The following PEAK1 variants were observed in gnomAD, a reference collection of about 807,000 sequenced individuals.
PEAK1 encodes the protein pseudopodium enriched atypical kinase 1.
A neutral mutation model predicts 124.7 loss-of-function variants in PEAK1; 54 were observed. The ratio of observed to expected loss-of-function variants is 0.43; its 90% CI spans 0.35 to 0.54. PEAK1 has a LOEUF of 0.54. PEAK1 is among the 20% of genes least tolerant of loss of function. The pLI is 0.01. For synonymous variants in PEAK1, 719 were observed against 760.0 expected (o/e 0.95, Z 0.89); for missense variants, 2,046 against 2,134.5 (o/e 0.96, Z 0.82).
At chr15:77,308,163 G>A (rs1489244199) in intron 2 of PEAK1, among the ~76,000 whole-genome samples, 2 of 152,064 alleles carry the variant, frequency 1.3e-5, no homozygotes, top group Admixed American at 1.3e-4. Flanking sequence ...TTTAATATAA[G>A]CTTTCATCTA....
intron 5 of PEAK1, among the ~76,000 whole-genome samples, chr15:77,272,376 A>T (rs1355358489): frequency 6.6e-6 from 1 of 152,228 alleles, no homozygotes; most frequent in Non-Finnish European, 1.5e-5. Flanking sequence ...GAGATTAACC[A>T]AGAAAGAAGA....
intron 1 of PEAK1, among the ~76,000 whole-genome samples, chr15:77,407,475 CA>C (rs2071927106): frequency 6.6e-6 from 1 of 152,026 alleles, no homozygotes; most frequent in Non-Finnish European, 1.5e-5. Flanking sequence ...AGACAATTCT[CA>C]AAAGAAGGTA....
chr15:77,404,120 A>C, intron 1 of PEAK1: 1 of 985,208 alleles, frequency 1.0e-6, no homozygotes, highest in Non-Finnish European at 1.2e-6. Context: ...GACAACTACA[A>C]ATTTAACACT....
rs76164295 is a variant in PEAK1, at chr15:77,307,419, C to T, written c.-602-20915G>A. On this transcript the variant is annotated intron_variant, in intron 2 of 9. Transcript: ENST00000682557. Reference sequence around the variant, plus strand: ...TAAAAGATCTACAGAGATCTACTGTCGTAGATAACAAAGGAAAGAGAAGCG... The same window carrying T: ...TAAAAGATCTACAGAGATCTACTGTTGTAGATAACAAAGGAAAGAGAAGCG... 9.4e-3 allele frequency among the ~76,000 whole-genome samples: 1,431 copies of T among 152,142 alleles called. 25 individuals carry two copies. The highest frequency in any genetic ancestry group is 0.03 in the East Asian group (153 of 5,180).
intron 8 of PEAK1, among the ~76,000 whole-genome samples, chr15:77,139,791 A>G (rs1363246580): frequency 4.6e-5 from 7 of 152,098 alleles, no homozygotes; most frequent in African/African-American, 1.7e-4. Context: ...ATAAACAAAC[A>G]ACAACACACA....
intron 6 of PEAK1, among the ~76,000 whole-genome samples, chr15:77,191,491 TATC>T: frequency 1.3e-5 from 2 of 152,302 alleles, no homozygotes; most frequent in Middle Eastern, 6.8e-3. Flanking sequence ...AGACTTCAGT[TATC>T]ATGGATGATT....
At chr15:77,346,699 C>T in intron 2 of PEAK1, 2 of 983,886 alleles carry the variant, frequency 2.0e-6, no homozygotes, top group Non-Finnish European at 2.4e-6. Flanking sequence ...TTCCTGACTA[C>T]CAAAAGGAAA....
intron 5 of PEAK1, among the ~76,000 whole-genome samples, chr15:77,280,393 A>T (rs867148823): frequency 2.0e-5 from 3 of 152,258 alleles, no homozygotes; most frequent in Middle Eastern, 6.8e-3. Flanking sequence ...ATTAACAACA[A>T]AATAAAATAA....
At chr15:77,331,495 C>A (rs1459464834) in intron 2 of PEAK1, among the ~76,000 whole-genome samples, 1 of 152,182 alleles carries the variant, frequency 6.6e-6, no homozygotes, top group Non-Finnish European at 1.5e-5. Context: ...CTTGTATACA[C>A]AGAATATCTT....
Position 77,313,660 on chromosome 15 carries a change from G to A in PEAK1, c.-602-27156C>T, listed in dbSNP as rs1021002738. On this transcript the variant is annotated intron_variant, in intron 2 of 9. Coordinates refer to ENST00000682557, the MANE Select transcript of PEAK1 (RefSeq NM_001385026.1). ...TATGTATGTATGTATGTATGTGTGTGTGTGTGTGTGTGTGTGTGTGTGTGT... is the reference window on the plus strand; with the variant it reads ...TATGTATGTATGTATGTATGTGTGTATGTGTGTGTGTGTGTGTGTGTGTGT... Among the ~76,000 whole-genome samples, 17 of 107,452 alleles carry A rather than the reference G, an allele frequency of 1.6e-4. No homozygotes were observed. The South Asian group carries it at 4.0e-3, about 25-fold the overall frequency. 70.5% of individuals were successfully genotyped at this position (107,452 alleles called of 152,430 possible).
intron 2 of PEAK1, among the ~76,000 whole-genome samples, chr15:77,339,430 A>C (rs1345820469): frequency 1.3e-5 from 2 of 152,206 alleles, no homozygotes; most frequent in Non-Finnish European, 2.9e-5. Flanking sequence ...TAGTGTTTAT[A>C]TCTAATTGTA....
intron 6 of PEAK1, among the ~76,000 whole-genome samples, chr15:77,183,878 T>C (rs1347495334): frequency 6.6e-6 from 1 of 152,158 alleles, no homozygotes; most frequent in East Asian, 1.9e-4. Context: ...CCCAGTCTGG[T>C]GTGTAGTGGT....
chr15:77,337,760 G>A (rs2066290466), intron 2 of PEAK1: 1 of 985,278 alleles, frequency 1.0e-6, no homozygotes, highest in South Asian at 4.7e-5. Context: ...GAGCTGGGGA[G>A]ACAAAATCTG....
chr15:77,419,602 G>A (rs1264028370), intron 1 of PEAK1: 44 of 984,980 alleles, frequency 4.5e-5, no homozygotes, highest in Non-Finnish European at 4.6e-5. Context: ...AGCCCCTCCT[G>A]CCCCGGCCTC....
intron 5 of PEAK1, among the ~76,000 whole-genome samples, chr15:77,277,706 G>A (rs1210324254): frequency 1.3e-5 from 2 of 152,048 alleles, no homozygotes; most frequent in African/African-American, 2.4e-5. Flanking sequence ...AAAAATTATA[G>A]CAACTTTATT....
At chr15:77,323,822 C>A (rs969369321) in intron 2 of PEAK1, among the ~76,000 whole-genome samples, 2 of 152,114 alleles carry the variant, frequency 1.3e-5, no homozygotes, top group African/African-American at 4.8e-5. Flanking sequence ...GCCTGCATTG[C>A]CAAGTCAATC....
intron 1 of PEAK1, among the ~76,000 whole-genome samples, chr15:77,394,132 C>T (rs1188395546): frequency 6.6e-6 from 1 of 152,164 alleles, no homozygotes. Context: ...CAGCTAGATT[C>T]CTAAGGTTTC....
intron 2 of PEAK1, chr15:77,350,283 G>T (rs2067128454): frequency 1.0e-6 from 1 of 985,222 alleles, no homozygotes; most frequent in South Asian, 4.7e-5. Flanking sequence ...TGAATTAGAA[G>T]AATCAATATA....
chr15:77,215,359 CTA>C (rs2059102613), intron 6 of PEAK1, among the ~76,000 whole-genome samples: 1 of 152,184 alleles, frequency 6.6e-6, no homozygotes, highest in Non-Finnish European at 1.5e-5. Context: ...TTTCGAAAAG[CTA>C]GTTCCCAATT....
Sources: allele counts gnomAD v4.1 joint callset (sites outside exome capture counted in the v4.1 genomes callset), GRCh38; gene constraint gnomAD v4.1.1; transcripts MANE v1.5; gene names NCBI Gene and HGNC (gene_info 2026-07-23, HGNC 2026-07-21).